KCNJ6: variants seen among roughly 807,000 people sequenced by gnomAD.
KCNJ6 encodes potassium inwardly rectifying channel subfamily J member 6, also known as G protein-activated inward rectifier potassium channel 2.
A neutral mutation model predicts 34.2 loss-of-function variants in KCNJ6; 9 were observed. That is an observed-to-expected ratio of 0.26 (90% CI 0.16 to 0.46). The LOEUF is 0.46. KCNJ6 is among the 20% of genes least tolerant of loss of function. The probability of loss-of-function intolerance (pLI) is 1.00; values close to 1 mark genes in which losing one functional copy is unlikely to be tolerated. For synonymous variants in KCNJ6, 196 were observed against 207.1 expected (o/e 0.95, Z 0.46); for missense variants, 236 against 531.3 (o/e 0.44, Z 5.46).
chr21:37,778,121 T>G (rs980966554), intron 2 of KCNJ6, among the ~76,000 whole-genome samples: 5 of 152,168 alleles, frequency 3.3e-5, no homozygotes, highest in Non-Finnish European at 5.9e-5. Flanking sequence ...GAAAAAGAAC[T>G]GTGTTTGATC....
chr21:37,770,702 G>C (rs1341790741), intron 2 of KCNJ6, among the ~76,000 whole-genome samples: 2 of 152,192 alleles, frequency 1.3e-5, no homozygotes, highest in Non-Finnish European at 2.9e-5. Flanking sequence ...CACGGCAAAG[G>C]TAATAGAAAA....
At chr21:37,656,942 C>T (rs1038475956) in intron 3 of KCNJ6, among the ~76,000 whole-genome samples, 1 of 152,172 alleles carries the variant, frequency 6.6e-6, no homozygotes, top group Non-Finnish European at 1.5e-5. Flanking sequence ...TCCTTCCCAC[C>T]CAAAGAAAAG....
chr21:37,719,990 T>C (rs9979466), intron 2 of KCNJ6, among the ~76,000 whole-genome samples: 3 of 151,968 alleles, frequency 2.0e-5, no homozygotes, highest in Middle Eastern at 3.2e-3. Flanking sequence ...GACTTTTTAA[T>C]GTCGTGGGGA....
intron 3 of KCNJ6, among the ~76,000 whole-genome samples, chr21:37,656,341 C>A (rs1388032323): frequency 1.3e-5 from 2 of 152,200 alleles, no homozygotes; most frequent in Non-Finnish European, 2.9e-5. Context: ...AGCTTCAGAT[C>A]CCTCATGAAT....
intron 3 of KCNJ6, among the ~76,000 whole-genome samples, chr21:37,713,598 G>A (rs1348670877): frequency 6.6e-6 from 1 of 152,160 alleles, no homozygotes; most frequent in Non-Finnish European, 1.5e-5. Flanking sequence ...ACAGCAGGAG[G>A]GCCGGCGGGA....
At chr21:37,681,290 T>G (rs1377923971) in intron 3 of KCNJ6, among the ~76,000 whole-genome samples, 1 of 152,282 alleles carries the variant, frequency 6.6e-6, no homozygotes, top group African/African-American at 2.4e-5. Flanking sequence ...CAATTGATGC[T>G]GACAACTTGA....
chr21:37,853,835 C>CATATATATGTGTGTGTATAT (rs1399366665), intron 1 of KCNJ6, among the ~76,000 whole-genome samples: 1 of 43,238 alleles, frequency 2.3e-5, no homozygotes, highest in Non-Finnish European at 3.7e-5. Flanking sequence ...TTAAGAGATA[C>CATATATATGTGTGTGTATAT]ATATATATAT....
In KCNJ6 at chr21:37,807,441, G is replaced by A. The variant is rs905540175; in HGVS notation, c.25+33217C>T. Among the ~76,000 whole-genome samples the A allele has an allele frequency of 6.6e-5, 10 of 152,226 alleles. No homozygotes were observed. The South Asian group carries it at 2.1e-3, about 32-fold the overall frequency. On this transcript the variant is annotated intron_variant, in intron 2 of 3. Transcript: ENST00000609713. The stretch of plus-strand genomic sequence containing the variant: ...GATGGTGAGAGATTCAATGTCCATT[G>A]TCATATTTAAGAACACAGTCATGTG...
At chr21:37,890,305 T>G (rs1259367836) in intron 1 of KCNJ6, among the ~76,000 whole-genome samples, 1 of 152,248 alleles carries the variant, frequency 6.6e-6, no homozygotes, top group Non-Finnish European at 1.5e-5. Context: ...ATCATGAGAA[T>G]AGCATGATGG....
At chr21:37,791,464 G>T (rs2055216622) in intron 2 of KCNJ6, among the ~76,000 whole-genome samples, 1 of 152,188 alleles carries the variant, frequency 6.6e-6, no homozygotes, top group South Asian at 2.1e-4. Context: ...CAAGCACATT[G>T]TCCCCTGACA....
At chr21:37,737,236 AG>A (rs1210352150) in intron 2 of KCNJ6, among the ~76,000 whole-genome samples, 6 of 152,194 alleles carry the variant, frequency 3.9e-5, no homozygotes, top group African/African-American at 1.2e-4. Context: ...ACGTCTCATT[AG>A]GGGTCAGAGT....
chr21:37,803,051 G>C (rs1327402676), intron 2 of KCNJ6, among the ~76,000 whole-genome samples: 3 of 152,212 alleles, frequency 2.0e-5, no homozygotes, highest in Non-Finnish European at 4.4e-5. Flanking sequence ...ATTATAGGCT[G>C]GTAAATTTCA....
chr21:37,850,807 C>T (rs1234566348), intron 1 of KCNJ6, among the ~76,000 whole-genome samples: 1 of 152,108 alleles, frequency 6.6e-6, no homozygotes, highest in African/African-American at 2.4e-5. Flanking sequence ...CTCTGGTTAC[C>T]ATGGTGCTCA....
chr21:37,865,925 C>G (rs1324144566), intron 1 of KCNJ6, among the ~76,000 whole-genome samples: 1 of 152,202 alleles, frequency 6.6e-6, no homozygotes, highest in African/African-American at 2.4e-5. Context: ...ATGAAACTCT[C>G]AGCAGTGTAG....
intron 1 of KCNJ6, among the ~76,000 whole-genome samples, chr21:37,915,065 A>G (rs1253755641): frequency 6.6e-6 from 1 of 152,126 alleles, no homozygotes; most frequent in Non-Finnish European, 1.5e-5. Flanking sequence ...TATTGCACCT[A>G]GTACAACAGA....
chr21:37,616,590 C>CATATATATATATATATATACATATATAT lies in KCNJ6; in HGVS notation c.*8568_*8569insATATATATGTATATATATATATATATAT, dbSNP rs2054267793. On this transcript the variant is annotated 3_prime_UTR_variant, in exon 4 of 4. Coordinates refer to ENST00000609713, the MANE Select transcript of KCNJ6 (RefSeq NM_002240.5). ...AATTATGAAGCAGGAACAAAATGTA[C>CATATATATATATATATATACATATATAT]ATATATATATATATATATATATATA... 1 of 90,916 alleles carries CATATATATATATATATATACATATATAT rather than the reference C, an allele frequency of 1.1e-5. No homozygotes were observed. The highest frequency in any genetic ancestry group is 4.6e-5 in the African/African-American group (1 of 21,756). 5.6% of individuals were successfully genotyped at this position (90,916 alleles called of 1,614,324 possible). A position where few individuals can be genotyped will look rare whatever the true frequency, so the allele number is the denominator to read the frequency against.
intron 1 of KCNJ6, among the ~76,000 whole-genome samples, chr21:37,850,298 C>G (rs2055530958): frequency 6.6e-6 from 1 of 152,002 alleles, no homozygotes; most frequent in African/African-American, 2.4e-5. Flanking sequence ...ATACTTAGAA[C>G]AGGGGTCCCC....
chr21:37,614,905 T>C lies in KCNJ6; in HGVS notation c.*10254A>G, dbSNP rs2054260424. The C allele has an allele frequency of 6.6e-6, 1 of 152,188 alleles. No homozygotes were observed. Among genetic ancestry groups the C allele is most frequent in the Non-Finnish European group, 1.5e-5 (1 of 68,038 alleles). The allele number at this position is 152,188 out of a possible 1,614,324, so 9.4% of individuals were successfully genotyped here. On this transcript the variant is annotated 3_prime_UTR_variant, in exon 4 of 4. Coordinates refer to ENST00000609713, the MANE Select transcript of KCNJ6 (RefSeq NM_002240.5). ...CTGGGGACATTATTGTTGCATAGTG[T>C]AACATTCAGAGGAATCCTCATTCTT...
chr21:37,850,950 G>C (rs1177776336), intron 1 of KCNJ6, among the ~76,000 whole-genome samples: 1 of 152,214 alleles, frequency 6.6e-6, no homozygotes, highest in Admixed American at 6.5e-5. Flanking sequence ...GGGTTGCAGT[G>C]AAGAGTAATT....
Sources: allele counts gnomAD v4.1 joint callset (sites outside exome capture counted in the v4.1 genomes callset), GRCh38; gene constraint gnomAD v4.1.1; transcripts MANE v1.5; gene names NCBI Gene and HGNC (gene_info 2026-07-23, HGNC 2026-07-21).